SEZ6L: variants seen among roughly 807,000 people sequenced by gnomAD.
SEZ6L encodes the protein seizure related 6 homolog like, also known as seizure 6-like protein.
In SEZ6L, 37 loss-of-function variants were observed where a neutral mutation model predicts 106.2. The observed-to-expected ratio is 0.35, with a 90% CI of 0.27 to 0.46. SEZ6L has a LOEUF of 0.46. SEZ6L is among the 20% of genes least tolerant of loss of function. SEZ6L has a pLI of 1.00. For missense variants in SEZ6L, 1,172 were observed against 1,332.8 expected (o/e 0.88, Z 1.88); for synonymous variants, 541 against 570.4 (o/e 0.95, Z 0.73).
intron 1 of SEZ6L, among the ~76,000 whole-genome samples, chr22:26,195,527 A>G (rs1462350857): frequency 6.6e-6 from 1 of 152,194 alleles, no homozygotes; most frequent in East Asian, 1.9e-4. Flanking sequence ...GAATGTAGTA[A>G]GCACTCAATA....
At chr22:26,356,989 TTGCCCAGGCCGATGTGCAG>T (rs2083457642) in intron 12 of SEZ6L, among the ~76,000 whole-genome samples, 1 of 151,550 alleles carries the variant, frequency 6.6e-6, no homozygotes. Flanking sequence ...TCTGGCTCTG[TTGCCCAGGCCGATGTGCAG>T]TGGCGCAATC....
At position 26,343,062 on chromosome 22, in the gene SEZ6L, G is replaced by A. The variant is rs73404651; in HGVS notation, c.2212+2430G>A. Among the ~76,000 whole-genome samples the A allele has an allele frequency of 4.1e-3, 619 of 152,264 alleles. 5 individuals carry two copies. The highest frequency in any genetic ancestry group is 0.014 in the African/African-American group (579 of 41,540). On this transcript the variant is annotated intron_variant, in intron 10 of 16. Transcript: ENST00000248933. ...GATTGTGCTGCTAAATATTTTCAGA[G>A]TGTTATTGCTACAATTTCTTGTGGG...
chr22:26,294,532 T>G (rs763454770), intron 3 of SEZ6L, 107 bp downstream of exon 3: 177 of 1,214,098 alleles, frequency 1.5e-4, no homozygotes, highest in Non-Finnish European at 1.8e-4. Flanking sequence ...GGTTCTGTCT[T>G]TGCCCAACCA....
At chr22:26,305,009 C>G (rs2081589762) in intron 5 of SEZ6L, among the ~76,000 whole-genome samples, 1 of 152,214 alleles carries the variant, frequency 6.6e-6, no homozygotes, top group African/African-American at 2.4e-5. Context: ...CCTATTGCTT[C>G]TCCGCTACAA....
intron 9 of SEZ6L, among the ~76,000 whole-genome samples, chr22:26,337,167 GC>G (rs1465908058): frequency 6.6e-6 from 1 of 152,168 alleles, no homozygotes; most frequent in African/African-American, 2.4e-5. Context: ...AAAATCACAT[GC>G]CTTCCATGAA....
At chr22:26,287,969 T>C (rs897520360) in intron 1 of SEZ6L, among the ~76,000 whole-genome samples, 1 of 152,220 alleles carries the variant, frequency 6.6e-6, no homozygotes, top group Non-Finnish European at 1.5e-5. Context: ...TGGGTTTCCT[T>C]CTTAGAGTGG....
chr22:26,190,299 T>C (rs1209215536), intron 1 of SEZ6L, among the ~76,000 whole-genome samples: 1 of 152,078 alleles, frequency 6.6e-6, no homozygotes, highest in African/African-American at 2.4e-5. Context: ...GGTTATTGAG[T>C]CCAATTTTCC....
chr22:26,364,876 T>G (rs1201849051), intron 12 of SEZ6L: 1 of 154,602 alleles, frequency 6.5e-6, no homozygotes, highest in East Asian at 1.9e-4. Context: ...GTAGTCATAA[T>G]GGATGCGCAG....
Position 26,292,663 on chromosome 22 carries a change from A to G in SEZ6L, c.352A>G (p.Lys118Glu), listed in dbSNP as rs1294217142. Residue 118 changes from lysine to glutamate, a missense_variant, in exon 2 of 17, where the codon AAA (lysine) becomes GAA (glutamate). By Grantham distance (56) the Lys-to-Glu change is moderately conservative (BLOSUM62 1). Transcript: ENST00000248933. ...RPKHALPPKK[K>E]LPSLKQVNSA... Reference sequence around the variant, plus strand: ...CAAGCACGCCTTGCCCCCCAAGAAGAAACTGCCTTCGCTCAAGCAGGTGAA... The same window carrying G: ...CAAGCACGCCTTGCCCCCCAAGAAGGAACTGCCTTCGCTCAAGCAGGTGAA... 3.1e-6 allele frequency: 5 copies of G among 1,613,388 alleles called. No individual in the cohort carries two copies. Among genetic ancestry groups the G allele is most frequent in the Non-Finnish European group, 2.5e-6 (3 of 1,179,874 alleles).
At chr22:26,188,926 TA>T (rs1482562913) in intron 1 of SEZ6L, among the ~76,000 whole-genome samples, 1 of 152,250 alleles carries the variant, frequency 6.6e-6, no homozygotes, top group Non-Finnish European at 1.5e-5. Flanking sequence ...AACAATAGTA[TA>T]ATTTCTACTG....
At chr22:26,181,871 T>A (rs1007326188) in intron 1 of SEZ6L, among the ~76,000 whole-genome samples, 2 of 152,228 alleles carry the variant, frequency 1.3e-5, no homozygotes, top group Admixed American at 6.5e-5. Flanking sequence ...AAAATGCATA[T>A]CATTGTGTAC....
intron 13 of SEZ6L, among the ~76,000 whole-genome samples, chr22:26,368,658 G>A (rs2083900022): frequency 6.6e-6 from 1 of 152,120 alleles, no homozygotes; most frequent in Non-Finnish European, 1.5e-5. Flanking sequence ...AGAGGTCATG[G>A]TTGCGCACCA....
intron 8 of SEZ6L, among the ~76,000 whole-genome samples, chr22:26,312,323 G>A (rs1275674014): frequency 1.3e-5 from 2 of 152,218 alleles, no homozygotes; most frequent in Admixed American, 6.5e-5. Context: ...TTCTTAATTG[G>A]TGTGTAATAA....
At chr22:26,365,627 C>T in intron 13 of SEZ6L, 61 bp downstream of exon 13, 1 of 1,470,900 alleles carries the variant, frequency 6.8e-7, no homozygotes, top group South Asian at 1.2e-5. Context: ...GCTCCTGGCT[C>T]ACAGGAGTTC....
chr22:26,363,388 T>C (rs1043211160), intron 12 of SEZ6L, among the ~76,000 whole-genome samples: 5 of 152,212 alleles, frequency 3.3e-5, no homozygotes, highest in Non-Finnish European at 7.3e-5. Flanking sequence ...CTCTGTGTCC[T>C]CAGTACTATT....
intron 1 of SEZ6L, among the ~76,000 whole-genome samples, chr22:26,254,309 C>A (rs983453563): frequency 6.6e-6 from 1 of 151,652 alleles, no homozygotes; most frequent in East Asian, 1.9e-4. Flanking sequence ...CACAAAGATG[C>A]TCATTAACTA....
In SEZ6L at chr22:26,351,092, C is replaced by G; in HGVS notation, c.2448C>G (p.Thr816=). ...ACCCCGGAGAGGTGGATCACTCGAC[C>G]CGCTTAATTTCGGATCCTGTGCTGC... ...CTDPGEVDHS[T]RLISDPVLLV... The change falls in exon 12 of 17, where the codon ACC becomes ACG. Residue 816 remains threonine (T), a synonymous_variant. Coordinates refer to ENST00000248933, the MANE Select transcript of SEZ6L (RefSeq NM_021115.5). The G allele has an allele frequency of 2.5e-6, 4 of 1,614,200 alleles. No homozygotes were observed. Among genetic ancestry groups the G allele is most frequent in the Non-Finnish European group, 3.4e-6 (4 of 1,180,034 alleles).
chr22:26,315,780 G>A (rs951123828), intron 9 of SEZ6L, among the ~76,000 whole-genome samples: 1 of 152,018 alleles, frequency 6.6e-6, no homozygotes, highest in Non-Finnish European at 1.5e-5. Context: ...ATCCTCATCT[G>A]GGCACGGTAG....
intron 10 of SEZ6L, among the ~76,000 whole-genome samples, chr22:26,343,342 A>AT (rs139296447): frequency 0.17 from 25,110 of 148,364 alleles, 3,781 homozygotes; most frequent in African/African-American, 0.37. Flanking sequence ...AAAAAAAAAA[A>AT]CTGACTGACT....
Sources: allele counts gnomAD v4.1 joint callset (sites outside exome capture counted in the v4.1 genomes callset), GRCh38; gene constraint gnomAD v4.1.1; transcripts MANE v1.5; gene names NCBI Gene and HGNC (gene_info 2026-07-23, HGNC 2026-07-21).